FAM53A: variants seen among roughly 807,000 people sequenced by gnomAD.
FAM53A encodes the protein protein FAM53A.
In FAM53A, 28 loss-of-function variants were observed where a neutral mutation model predicts 26.6. The ratio of observed to expected loss-of-function variants is 1.05; its 90% confidence interval spans 0.78 to 1.45. The LOEUF is 1.45. Ranked by LOEUF, FAM53A falls within the 40% of genes most tolerant of loss-of-function variation. The pLI is 0.00. For missense variants in FAM53A, 650 were observed against 575.8 expected (o/e 1.13, Z -1.32); for synonymous variants, 290 against 253.1 (o/e 1.15, Z -1.38).
At chr4:1,648,258 G>T (rs1359070361) in intron 4 of FAM53A, among the ~76,000 whole-genome samples, 2 of 152,158 alleles carry the variant, frequency 1.3e-5, no homozygotes, top group Non-Finnish European at 2.9e-5. Context: ...CAGGCTGGGG[G>T]CCAAGTGTTC....
chr4:1,647,935 C>G (rs1023082410), intron 4 of FAM53A, among the ~76,000 whole-genome samples: 1 of 152,222 alleles, frequency 6.6e-6, no homozygotes, highest in Admixed American at 6.5e-5. Flanking sequence ...AAAGCCTGGG[C>G]CTGGTGGCGC....
chr4:1,649,179 G>T (rs1712524037), intron 4 of FAM53A, among the ~76,000 whole-genome samples: 1 of 141,156 alleles, frequency 7.1e-6, no homozygotes, highest in African/African-American at 2.7e-5. Context: ...AAGGGAAAGG[G>T]AAGGGGAAGG....
intron 1 of FAM53A, among the ~76,000 whole-genome samples, chr4:1,677,481 G>A (rs942413433): frequency 1.3e-5 from 2 of 152,180 alleles, no homozygotes; most frequent in South Asian, 2.1e-4. Flanking sequence ...CTGTCTTCAC[G>A]CTTATCTCTA....
the FAM53A span, among the ~76,000 whole-genome samples, chr4:1,611,805 G>A: frequency 5.1e-4 from 77 of 152,338 alleles, no homozygotes; most frequent in African/African-American, 1.8e-3. Flanking sequence ...GGTGGCCAGT[G>A]GATGGCGGCA....
chr4:1,579,004 C>T, the FAM53A span, among the ~76,000 whole-genome samples: 1 of 149,710 alleles, frequency 6.7e-6, no homozygotes, highest in South Asian at 2.1e-4. Flanking sequence ...CACCCCTAGG[C>T]CCCCCACCCC....
intron 1 of FAM53A, among the ~76,000 whole-genome samples, chr4:1,679,406 A>G (rs994299181): frequency 4.7e-5 from 7 of 149,330 alleles, no homozygotes; most frequent in Admixed American, 2.0e-4. Flanking sequence ...AAAAAAAAAA[A>G]GGCCAGGTGC....
At chr4:1,669,050 C>A (rs529361563) in intron 1 of FAM53A, 145 bp from the exon 2 acceptor site, 1 of 325,362 alleles carries the variant, frequency 3.1e-6, no homozygotes, top group Non-Finnish European at 5.6e-6. Context: ...AACTACCACG[C>A]GAGTTCTCTT....
At chr4:1,676,529 G>A (rs1715055139) in intron 1 of FAM53A, among the ~76,000 whole-genome samples, 1 of 152,006 alleles carries the variant, frequency 6.6e-6, no homozygotes, top group Non-Finnish European at 1.5e-5. Context: ...TTTCACCACG[G>A]CGACACACAC....
chr4:1,652,396 A>ACACAC (rs375581263), intron 4 of FAM53A, among the ~76,000 whole-genome samples: 1 of 140,578 alleles, frequency 7.1e-6, no homozygotes, highest in South Asian at 2.3e-4. Flanking sequence ...CATGCACACC[A>ACACAC]CACACACCAG....
At chr4:1,580,642 CAG>C in the FAM53A span, among the ~76,000 whole-genome samples, 1 of 148,546 alleles carries the variant, frequency 6.7e-6, no homozygotes, top group African/African-American at 2.5e-5. Context: ...GCCCCCAACT[CAG>C]GGCCCCGCCT....
the FAM53A span, among the ~76,000 whole-genome samples, chr4:1,612,763 G>A: frequency 2.6e-5 from 4 of 152,160 alleles, no homozygotes; most frequent in South Asian, 2.1e-4. Flanking sequence ...AGGTTCACAA[G>A]TGCACACATG....
the FAM53A span, among the ~76,000 whole-genome samples, chr4:1,611,105 TG>T: frequency 1.6e-4 from 24 of 152,324 alleles, 1 homozygote; most frequent in Admixed American, 1.6e-3. Context: ...ACGGGGCCTC[TG>T]GGCCACCCTG....
At chr4:1,636,087 T>C (rs1035201623), downstream of FAM53A, among the ~76,000 whole-genome samples, 2 of 152,260 alleles carry the variant, frequency 1.3e-5, no homozygotes, top group Non-Finnish European at 2.9e-5. Flanking sequence ...GACCTCATGA[T>C]CTGCCCACCT....
At chr4:1,613,959 C>A (rs575649166), downstream of FAM53A, among the ~76,000 whole-genome samples, 1 of 152,164 alleles carries the variant, frequency 6.6e-6, no homozygotes, top group Non-Finnish European at 1.5e-5. Flanking sequence ...GAAACTGATA[C>A]GAAAACGTCA....
downstream of FAM53A, among the ~76,000 whole-genome samples, chr4:1,637,188 G>C (rs551286223): frequency 1.4e-4 from 21 of 152,070 alleles, no homozygotes; most frequent in African/African-American, 1.9e-4. Flanking sequence ...CCCATGCTCG[G>C]GTGGGGGGTG....
chr4:1,603,481 C>G, the FAM53A span, among the ~76,000 whole-genome samples: 3 of 152,174 alleles, frequency 2.0e-5, no homozygotes, highest in Admixed American at 2.0e-4. Context: ...GCTGGAAGCC[C>G]CAGTGGGTAG....
the FAM53A span, among the ~76,000 whole-genome samples, chr4:1,609,186 G>A: frequency 7.9e-5 from 12 of 152,042 alleles, no homozygotes; most frequent in African/African-American, 1.9e-4. Flanking sequence ...GGCTCTGGCA[G>A]GGCTGTCTCT....
At chr4:1,606,911 C>T in the FAM53A span, among the ~76,000 whole-genome samples, 1 of 152,252 alleles carries the variant, frequency 6.6e-6, no homozygotes, top group Non-Finnish European at 1.5e-5. Flanking sequence ...GTTTTGGAAG[C>T]TGCCATGCTG....
chr4:1,653,337 C>G (rs961673391), intron 4 of FAM53A, among the ~76,000 whole-genome samples: 3 of 152,194 alleles, frequency 2.0e-5, no homozygotes, highest in Admixed American at 6.5e-5. Flanking sequence ...ACCAACTCAC[C>G]CAACCACCTG....
Sources: allele counts gnomAD v4.1 joint callset (sites outside exome capture counted in the v4.1 genomes callset), GRCh38; gene constraint gnomAD v4.1.1; transcripts MANE v1.5; gene names NCBI Gene and HGNC (gene_info 2026-07-23, HGNC 2026-07-21).